Variants in CRYL1 observed in about 807,000 individuals in gnomAD.
CRYL1 encodes the protein lambda-crystallin homolog.
CRYL1 carries 29 observed loss-of-function variants against 36.6 expected under a neutral mutation model. The observed-to-expected ratio is 0.79, with a 90% CI of 0.59 to 1.08. The LOEUF (loss-of-function observed/expected upper bound fraction) is 1.08. Ranked by LOEUF, CRYL1 falls within the 50% of genes least tolerant of loss-of-function variation. The probability of loss-of-function intolerance (pLI) is 0.00; values close to 1 mark genes in which losing one functional copy is unlikely to be tolerated. For synonymous variants in CRYL1, 152 were observed against 151.5 expected (o/e 1.00, Z -0.02); for missense variants, 411 against 407.9 (o/e 1.01, Z -0.06).
At chr13:20,443,306 A>G (rs1054673098) in intron 3 of CRYL1, among the ~76,000 whole-genome samples, 1 of 152,182 alleles carries the variant, frequency 6.6e-6, no homozygotes, top group Non-Finnish European at 1.5e-5. Context: ...TACATTTTCC[A>G]AAACATACAT....
At chr13:20,467,967 T>A (rs4344587) in intron 3 of CRYL1, among the ~76,000 whole-genome samples, 8 of 151,922 alleles carry the variant, frequency 5.3e-5, no homozygotes, top group East Asian at 3.9e-4. Context: ...GTTGTGAACC[T>A]CACACTTAAG....
intron 4 of CRYL1, among the ~76,000 whole-genome samples, chr13:20,434,290 A>G (rs2032151675): frequency 6.6e-6 from 1 of 152,202 alleles, no homozygotes; most frequent in Admixed American, 6.5e-5. Context: ...AAATGCACCA[A>G]TCAGGAACTT....
intron 2 of CRYL1, among the ~76,000 whole-genome samples, chr13:20,501,720 A>G (rs1349025087): frequency 6.6e-6 from 1 of 152,214 alleles, no homozygotes; most frequent in East Asian, 1.9e-4. Context: ...GGAAATAGAA[A>G]GGCCAGGGAT....
chr13:20,495,573 C>T (rs1593485936), intron 2 of CRYL1, among the ~76,000 whole-genome samples: 2 of 152,222 alleles, frequency 1.3e-5, no homozygotes, highest in Middle Eastern at 6.8e-3. Flanking sequence ...CTGTGGAAAA[C>T]GTATGGTGGT....
intron 4 of CRYL1, among the ~76,000 whole-genome samples, chr13:20,437,423 T>C (rs988300307): frequency 5.3e-5 from 8 of 151,802 alleles, no homozygotes; most frequent in Non-Finnish European, 1.0e-4. Context: ...TTCTCCTGCC[T>C]CAGCCTCCCG....
intron 5 of CRYL1, among the ~76,000 whole-genome samples, chr13:20,421,126 G>C (rs1481798117): frequency 6.6e-6 from 1 of 152,108 alleles, no homozygotes; most frequent in Non-Finnish European, 1.5e-5. Context: ...GGACATTCCA[G>C]AGTACTTCAG....
At chr13:20,524,654 G>A (rs1003387719) in intron 1 of CRYL1, among the ~76,000 whole-genome samples, 3 of 152,046 alleles carry the variant, frequency 2.0e-5, no homozygotes, top group African/African-American at 7.2e-5. Flanking sequence ...TGGGATTACA[G>A]GGGTGAGCCA....
chr13:20,427,171 T>C (rs1012491105), intron 5 of CRYL1: 1 of 985,364 alleles, frequency 1.0e-6, no homozygotes. Context: ...TGAAATGACA[T>C]CCCAGCCAAT....
At chr13:20,439,546 C>CAAAAAAAAAAAAAAA in intron 4 of CRYL1, 47 bp downstream of exon 4, 2 of 693,698 alleles carry the variant, frequency 2.9e-6, no homozygotes, top group South Asian at 3.1e-5. Flanking sequence ...AAAAAAAACA[C>CAAAAAAAAAAAAAAA]AGAATGAGAT....
chr13:20,404,293 CAA>C, intron 7 of CRYL1, 51 bp from the exon 8 acceptor site: 1 of 1,253,014 alleles, frequency 8.0e-7, no homozygotes, highest in South Asian at 1.2e-5. Context: ...AATAATTTAT[CAA>C]GAGTGTAATT....
At chr13:20,514,252 C>T (rs1246192031) in intron 1 of CRYL1, among the ~76,000 whole-genome samples, 2 of 152,224 alleles carry the variant, frequency 1.3e-5, no homozygotes, top group African/African-American at 4.8e-5. Context: ...CAAACCCTCC[C>T]TCAGCCAGGT....
At position 20,504,863 on chromosome 13, in the gene CRYL1, T is replaced by G. The variant is rs1042460699; in HGVS notation, c.149+7580A>C. Among the ~76,000 whole-genome samples, 13 of 152,292 alleles carry G rather than the reference T, an allele frequency of 8.5e-5. 1 individual carries two copies. The highest frequency in any genetic ancestry group is 3.4e-3 in the Middle Eastern group (1 of 294). On this transcript the variant is annotated intron_variant, in intron 2 of 7. Coordinates refer to ENST00000298248, the MANE Select transcript of CRYL1 (RefSeq NM_015974.3). Reference sequence around the variant, plus strand: ...CATGGTATGAGTTGTGATAATTTCTTTTATCTTCTAATGTTTTAATATTTT... The same window carrying G: ...CATGGTATGAGTTGTGATAATTTCTGTTATCTTCTAATGTTTTAATATTTT...
intron 2 of CRYL1, among the ~76,000 whole-genome samples, chr13:20,495,460 T>A (rs1426124754): frequency 6.6e-6 from 1 of 152,194 alleles, no homozygotes; most frequent in Non-Finnish European, 1.5e-5. Flanking sequence ...AATGTTTCTA[T>A]CTTTGAAATG....
chr13:20,461,905 G>A (rs2032826811), intron 3 of CRYL1, among the ~76,000 whole-genome samples: 1 of 149,982 alleles, frequency 6.7e-6, no homozygotes, highest in Non-Finnish European at 1.5e-5. Flanking sequence ...CAGCATTGTG[G>A]GAGGAGAGGG....
rs115135024 is a variant in CRYL1 at position 20,489,631 on chromosome 13, C to T, written c.150-135G>A. The T allele has an allele frequency of 3.6e-3, 3,677 of 1,028,980 alleles. 46 individuals carry two copies. The highest frequency in any genetic ancestry group is 0.032 in the African/African-American group (1,996 of 62,544). The allele number at this position is 1,028,980 out of a possible 1,614,324, so 63.7% of individuals were successfully genotyped here. A position where few individuals can be genotyped will look rare whatever the true frequency, so the allele number is the denominator to read the frequency against. On this transcript the variant is annotated intron_variant, in intron 2 of 7. Coordinates refer to ENST00000298248, the MANE Select transcript of CRYL1 (RefSeq NM_015974.3). ...GATACCACCTCACACCCATTAGGGGCTACCAAAAATAGAAACTAGCAATTG... is the reference window on the plus strand; with the variant it reads ...GATACCACCTCACACCCATTAGGGGTTACCAAAAATAGAAACTAGCAATTG...
chr13:20,423,330 C>T (rs2031861219), intron 5 of CRYL1, among the ~76,000 whole-genome samples: 1 of 152,146 alleles, frequency 6.6e-6, no homozygotes, highest in South Asian at 2.1e-4. Flanking sequence ...GAGTAGGCAC[C>T]CTTGTCTTGT....
intron 3 of CRYL1, among the ~76,000 whole-genome samples, chr13:20,482,201 T>C (rs1230191171): frequency 1.3e-5 from 2 of 152,216 alleles, no homozygotes; most frequent in Admixed American, 6.5e-5. Flanking sequence ...CTCTCCATTT[T>C]AAAGATATAG....
intron 3 of CRYL1, among the ~76,000 whole-genome samples, chr13:20,446,101 T>A (rs188185215): frequency 7.2e-5 from 11 of 152,318 alleles, no homozygotes; most frequent in South Asian, 2.1e-4. Flanking sequence ...AGATTTTTTT[T>A]AATTATTTAT....
intron 3 of CRYL1, among the ~76,000 whole-genome samples, chr13:20,460,510 G>C (rs1396193821): frequency 1.3e-4 from 15 of 118,684 alleles, no homozygotes; most frequent in Non-Finnish European, 1.2e-4. Flanking sequence ...ATAGGCAGCT[G>C]CTTTTTTTTT....
Sources: allele counts gnomAD v4.1 joint callset (sites outside exome capture counted in the v4.1 genomes callset), GRCh38; gene constraint gnomAD v4.1.1; transcripts MANE v1.5; gene names NCBI Gene and HGNC (gene_info 2026-07-23, HGNC 2026-07-21).